ARMH1: variants seen among roughly 807,000 people sequenced by gnomAD.
ARMH1 encodes armadillo like helical domain containing 1.
A neutral mutation model predicts 50.2 loss-of-function variants in ARMH1; 34 were observed. The observed-to-expected ratio is 0.68, with a 90% CI of 0.51 to 0.90. ARMH1 has a LOEUF of 0.90. ARMH1 is among the 40% of genes least tolerant of loss of function. The probability of loss-of-function intolerance (pLI) is 0.00; values close to 1 mark genes in which losing one functional copy is unlikely to be tolerated. For synonymous variants in ARMH1, 221 were observed against 224.2 expected (o/e 0.99, Z 0.13); for missense variants, 538 against 553.9 (o/e 0.97, Z 0.29).
chr1:44,688,742 C>G (rs1233054991), intron 1 of ARMH1, among the ~76,000 whole-genome samples: 3 of 152,338 alleles, frequency 2.0e-5, no homozygotes, highest in African/African-American at 2.4e-5. Context: ...ATAACACTTT[C>G]AATCACAACT....
chr1:44,722,314 G>T (rs1465051789), intron 6 of ARMH1, among the ~76,000 whole-genome samples: 2 of 152,138 alleles, frequency 1.3e-5, no homozygotes, highest in African/African-American at 2.4e-5. Context: ...TGCACTTAAG[G>T]AGGCAGAGGT....
At chr1:44,678,161 A>C (rs185822056) in intron 1 of ARMH1, among the ~76,000 whole-genome samples, 106 of 152,266 alleles carry the variant, frequency 7.0e-4, no homozygotes, top group Non-Finnish European at 1.4e-3. Context: ...TGAAGCATAG[A>C]GCAGTGAAGG....
intron 5 of ARMH1, among the ~76,000 whole-genome samples, chr1:44,703,598 G>A (rs953931132): frequency 2.7e-5 from 4 of 150,606 alleles, no homozygotes; most frequent in East Asian, 4.0e-4. Context: ...GCATGGTGGC[G>A]GGCACCTGTA....
intron 6 of ARMH1, among the ~76,000 whole-genome samples, chr1:44,720,122 A>G (rs984109102): frequency 1.4e-4 from 21 of 149,340 alleles, no homozygotes; most frequent in African/African-American, 5.2e-4. Context: ...GCTTGAATCC[A>G]TGAGGCAGAG....
chr1:44,713,299 A>G (rs1173549728), intron 6 of ARMH1, among the ~76,000 whole-genome samples: 1 of 151,580 alleles, frequency 6.6e-6, no homozygotes, highest in Non-Finnish European at 1.5e-5. Flanking sequence ...GGGTTTCACC[A>G]TGTTGGCCAG....
At chr1:44,688,059 C>A (rs969210054) in intron 1 of ARMH1, 2 of 152,218 alleles carry the variant, frequency 1.3e-5, no homozygotes, top group African/African-American at 4.8e-5. Context: ...GCCATTCACC[C>A]CCATTTTCTT....
intron 4 of ARMH1, among the ~76,000 whole-genome samples, chr1:44,699,643 G>A (rs967641372): frequency 6.6e-5 from 10 of 151,910 alleles, no homozygotes; most frequent in African/African-American, 1.5e-4. Context: ...TAGAGACGGG[G>A]TTTCGCCATG....
chr1:44,724,940 AG>A lies in ARMH1; in HGVS notation c.1128+102del. The A allele has an allele frequency of 6.7e-7, 1 of 1,500,754 alleles. No individual in the cohort carries two copies. Among genetic ancestry groups the A allele is most frequent in the Non-Finnish European group, 8.9e-7 (1 of 1,123,430 alleles). 93.0% of individuals were successfully genotyped at this position (1,500,754 alleles called of 1,614,324 possible). On this transcript the variant is annotated intron_variant, in intron 10 of 11. Coordinates refer to ENST00000535358, the MANE Select transcript of ARMH1 (RefSeq NM_001145636.2). The surrounding 1 kb of genome is among the most constrained non-coding windows in gnomAD (Gnocchi z 6.4). Reference sequence around the variant, plus strand: ...CCATCCTGGAGCGCGCCACATGCAGAGTGGACCTGGCCACCAGCTGCAGGAG... The same window carrying A: ...CCATCCTGGAGCGCGCCACATGCAGATGGACCTGGCCACCAGCTGCAGGAG...
chr1:44,715,306 A>G (rs140405013), intron 6 of ARMH1, among the ~76,000 whole-genome samples: 2 of 152,328 alleles, frequency 1.3e-5, no homozygotes, highest in South Asian at 2.1e-4. Flanking sequence ...TGCCATTTCT[A>G]TGGCTCCTTC....
In ARMH1 at chr1:44,685,393, C is replaced by T. The variant is rs557642998; in HGVS notation, c.-22-4283C>T. ...GCGGGATCATAGATCACTGCAGCCC[C>T]GACCTGGTCTCATTCGATCTTCCCA... On this transcript the variant is annotated intron_variant, in intron 1 of 11. Coordinates refer to ENST00000535358, the MANE Select transcript of ARMH1 (RefSeq NM_001145636.2). Among the ~76,000 whole-genome samples, 364 of 151,474 alleles carry T rather than the reference C, an allele frequency of 2.4e-3. 2 individuals carry two copies. The highest frequency in any genetic ancestry group is 0.01 in the Middle Eastern group (3 of 292).
intron 6 of ARMH1, among the ~76,000 whole-genome samples, chr1:44,718,897 T>C (rs1646962306): frequency 6.6e-6 from 1 of 152,002 alleles, no homozygotes; most frequent in Non-Finnish European, 1.5e-5. Context: ...GTGTGGTGCA[T>C]GCCTGTAATC....
chr1:44,725,245 G>T, intron 11 of ARMH1, 28 bp downstream of exon 11: 2 of 1,551,708 alleles, frequency 1.3e-6, no homozygotes, highest in Non-Finnish European at 8.7e-7. Context: ...GAAGCCGGGC[G>T]CAGGCGCCGC....
At chr1:44,717,358 C>T (rs1646897209) in intron 6 of ARMH1, among the ~76,000 whole-genome samples, 1 of 152,246 alleles carries the variant, frequency 6.6e-6, no homozygotes, top group African/African-American at 2.4e-5. Context: ...AGCCAGATCT[C>T]CCTTGCCTGG....
At chr1:44,717,488 T>C (rs1456957681) in intron 6 of ARMH1, among the ~76,000 whole-genome samples, 2 of 152,236 alleles carry the variant, frequency 1.3e-5, no homozygotes, top group African/African-American at 2.4e-5. Context: ...ATCCTTCTCC[T>C]GATTCTCCAT....
Position 44,725,437 on chromosome 1 carries a change from G to T in ARMH1, c.*34G>T. 1.9e-6 allele frequency: 3 copies of T among 1,547,962 alleles called. No individual in the cohort carries two copies. The highest frequency in any genetic ancestry group is 2.6e-6 in the Non-Finnish European group (3 of 1,143,710). On this transcript the variant is annotated 3_prime_UTR_variant, in exon 12 of 12. Coordinates refer to ENST00000535358, the MANE Select transcript of ARMH1 (RefSeq NM_001145636.2). ...GTGGCAAACCAGGAAGGCCAAGGCT[G>T]CGGGGCAGGGAAGCCTGGCAAGAGG...
Position 44,681,252 on chromosome 1 carries a change from C to T in ARMH1, c.-23+6379C>T, listed in dbSNP as rs1310273697. Among the ~76,000 whole-genome samples, 1 of 152,158 alleles carries T rather than the reference C, an allele frequency of 6.6e-6. No homozygotes were observed. Among genetic ancestry groups the T allele is most frequent in the Admixed American group, 6.5e-5 (1 of 15,268 alleles). On this transcript the variant is annotated intron_variant, in intron 1 of 11. Transcript: ENST00000535358. The surrounding 1 kb of genome is among the most constrained non-coding windows in gnomAD (Gnocchi z 4.3). Reference sequence around the variant, plus strand: ...CCTCGTGATCTGTCTGCCTCAGCCTCCCAAAGTGCTGGGATTACAAGCGTG... The same window carrying T: ...CCTCGTGATCTGTCTGCCTCAGCCTTCCAAAGTGCTGGGATTACAAGCGTG...
chr1:44,699,211 G>C (rs1225610008), intron 4 of ARMH1, among the ~76,000 whole-genome samples: 1 of 150,402 alleles, frequency 6.6e-6, no homozygotes, highest in African/African-American at 2.5e-5. Context: ...TTGAACCCGG[G>C]AGGTGGACAT....
chr1:44,675,044 A>G (rs1294594911), intron 1 of ARMH1, among the ~76,000 whole-genome samples, 171 bp downstream of exon 1: 1 of 152,090 alleles, frequency 6.6e-6, no homozygotes, highest in African/African-American at 2.4e-5. Flanking sequence ...CCCACCGAGG[A>G]GCTGGGAGTG....
At chr1:44,722,105 C>T (rs779834835) in intron 6 of ARMH1, among the ~76,000 whole-genome samples, 14 of 152,186 alleles carry the variant, frequency 9.2e-5, no homozygotes, top group Non-Finnish European at 1.5e-4. Context: ...ATTCTCGTAT[C>T]TACAATGCAT....
Sources: gnomAD v4.1 joint callset for allele counts (sites outside exome capture counted in the v4.1 genomes callset) on GRCh38, gnomAD v4.1.1 for gene constraint, Gnocchi (gnomAD v3.1) non-coding constraint, MANE v1.5 for transcripts, NCBI Gene and HGNC (gene_info 2026-07-23, HGNC 2026-07-21) for gene names.